GLI2: variants seen among roughly 807,000 people sequenced by gnomAD.
GLI2 encodes the protein transcription activator GLI2.
In GLI2, 22 loss-of-function variants were observed where a neutral mutation model predicts 78.9. The observed-to-expected ratio is 0.28, with a 90% CI of 0.20 to 0.40. The LOEUF (loss-of-function observed/expected upper bound fraction) is 0.40, where lower values mean the gene tolerates loss of function less well. GLI2 is among the 10% of genes least tolerant of loss of function. The pLI is 1.00. For synonymous variants in GLI2, 974 were observed against 963.7 expected, an observed-to-expected ratio of 1.01 and a Z score of -0.20; for missense variants, 2,097 against 2,213.2, an observed-to-expected ratio of 0.95 and a Z score of 1.05.
At chr2:120,747,990 G>A (rs1302303661) in intron 1 of GLI2, among the ~76,000 whole-genome samples, 2 of 152,222 alleles carry the variant, frequency 1.3e-5, no homozygotes, top group Non-Finnish European at 2.9e-5. Context: ...CACTTATTAA[G>A]CTCACGGCTG....
In GLI2 at chr2:120,990,496, G is replaced by T; in HGVS notation, c.4531G>T (p.Ala1511Ser). ...CGATCACTCGAGTTTGTTCTCGGGT[G>T]CTCTGAGCCCCAGCCTCCTCCACAG... Reference protein sequence around the residue: ...DGDHSSLFSGALSPSLLHSLS... With the variant: ...DGDHSSLFSGSLSPSLLHSLS... The change falls in exon 14 of 14, where the codon GCT (alanine) becomes TCT (serine). Residue 1511 changes from alanine to serine, a missense_variant. Physicochemically the swap from Ala to Ser is moderately conservative, Grantham distance 99. Coordinates refer to ENST00000361492, the MANE Select transcript of GLI2 (RefSeq NM_001374353.1). 1.2e-6 allele frequency: 2 copies of T among 1,613,854 alleles called. No homozygotes were observed. Among genetic ancestry groups the T allele is most frequent in the Non-Finnish European group, 1.7e-6 (2 of 1,179,956 alleles).
At chr2:120,854,865 ATGCTGC>A (rs1017619889) in intron 2 of GLI2, among the ~76,000 whole-genome samples, 1 of 152,142 alleles carries the variant, frequency 6.6e-6, no homozygotes, top group Non-Finnish European at 1.5e-5. Flanking sequence ...AAGTCCCCAG[ATGCTGC>A]TGCTGCTGCT....
chr2:120,844,596 C>T (rs1167860427), intron 2 of GLI2, among the ~76,000 whole-genome samples: 1 of 151,940 alleles, frequency 6.6e-6, no homozygotes, highest in Admixed American at 6.6e-5. Context: ...TATGGTTTCT[C>T]AAAGATTCTT....
In GLI2 at chr2:120,989,143, G is replaced by A. The variant is rs747578237; in HGVS notation, c.3178G>A (p.Ala1060Thr). Residue 1060 changes from alanine to threonine, a missense_variant, in exon 14 of 14, where the codon GCT becomes ACT. By Grantham distance (58) the Ala-to-Thr change is moderately conservative (BLOSUM62 0). Around this residue, in one of 5 missense-constraint regions of GLI2, gnomAD observed 1,290 missense variants for 1,261.7 expected, o/e 1.02. Coordinates refer to ENST00000361492, the MANE Select transcript of GLI2 (RefSeq NM_001374353.1). ...VQYIKAHASG[A>T]LDEGTGQVYP... ...GTACATCAAGGCGCACGCCAGTGGC[G>A]CTCTGGACGAGGGCACCGGGCAGGT... is the stretch of plus-strand genomic sequence containing the variant. The A allele has an allele frequency of 7.4e-6, 12 of 1,612,944 alleles. No homozygotes were observed. The highest frequency in any genetic ancestry group is 1.7e-6 in the Non-Finnish European group (2 of 1,179,994).
At chr2:120,889,557 A>G (rs112691541) in intron 2 of GLI2, among the ~76,000 whole-genome samples, 1,579 of 152,330 alleles carry the variant, frequency 0.01, 13 homozygotes, top group Non-Finnish European at 0.018. Context: ...CAGGCTGCAG[A>G]ATGGGAGAAA....
chr2:120,804,415 T>C (rs368823757), intron 2 of GLI2, among the ~76,000 whole-genome samples: 1 of 152,154 alleles, frequency 6.6e-6, no homozygotes, highest in African/African-American at 2.4e-5. Context: ...GCCAGAGGTG[T>C]TCCCGGTGGG....
chr2:120,768,055 C>G (rs914547031), intron 1 of GLI2, among the ~76,000 whole-genome samples: 3 of 152,202 alleles, frequency 2.0e-5, no homozygotes, highest in Non-Finnish European at 4.4e-5. Context: ...ACCCCAGGCT[C>G]TTCTTCCCCA....
chr2:120,986,479 C>G lies in GLI2; in HGVS notation c.2107C>G (p.Arg703Gly). The G allele has an allele frequency of 6.2e-7, 1 of 1,614,084 alleles. No homozygotes were observed. Residue 703 changes from arginine (R) to glycine (G), a missense_variant, in exon 13 of 14, where the codon CGC (arginine) becomes GGC (glycine). This residue lies in a region of GLI2 where 1,290 missense variants were observed against 1,261.7 expected (regional missense o/e 1.02). Coordinates refer to ENST00000361492, the MANE Select transcript of GLI2 (RefSeq NM_001374353.1). ...CCCCTCCGCTGGTGGCCTCCAGCTG[C>G]GCAAACACATGACCACCATGCACCG... is the stretch of plus-strand genomic sequence containing the variant. ...AAPSAGGLQLRKHMTTMHRFE... is the reference protein window; with the variant it reads ...AAPSAGGLQLGKHMTTMHRFE...
intron 2 of GLI2, among the ~76,000 whole-genome samples, chr2:120,902,530 G>A (rs563025402): frequency 1.3e-4 from 20 of 152,294 alleles, no homozygotes; most frequent in African/African-American, 4.1e-4. Context: ...AGGGAAGGGG[G>A]AATGAAGGCT....
At chr2:120,808,179 G>A (rs945822369) in intron 2 of GLI2, among the ~76,000 whole-genome samples, 2 of 152,138 alleles carry the variant, frequency 1.3e-5, no homozygotes, top group African/African-American at 2.4e-5. Context: ...AGTGGACACC[G>A]CTTTGCACCT....
At chr2:120,746,182 G>T (rs1682688413) in intron 1 of GLI2, among the ~76,000 whole-genome samples, 1 of 152,210 alleles carries the variant, frequency 6.6e-6, no homozygotes, top group Non-Finnish European at 1.5e-5. Context: ...CTGGAGCAGG[G>T]CTCAGCTTAC....
intron 2 of GLI2, among the ~76,000 whole-genome samples, chr2:120,876,253 A>G (rs277551): frequency 0.37 from 55,876 of 151,992 alleles, 10,728 homozygotes; most frequent in South Asian, 0.49. Context: ...GAGGCGGGAG[A>G]GTGGCGTGAA....
intron 1 of GLI2, among the ~76,000 whole-genome samples, chr2:120,757,325 T>G (rs577758843): frequency 1.3e-5 from 2 of 152,362 alleles, no homozygotes; most frequent in East Asian, 3.9e-4. Flanking sequence ...ACTATAAATA[T>G]TCTTGAGCTT....
chr2:120,908,508 A>T (rs1573579567), intron 2 of GLI2, among the ~76,000 whole-genome samples: 1 of 152,134 alleles, frequency 6.6e-6, no homozygotes, highest in East Asian at 1.9e-4. Context: ...TCAGCACCTG[A>T]AAAGGGAAAA....
At chr2:120,842,328 GT>G (rs1686925888) in intron 2 of GLI2, among the ~76,000 whole-genome samples, 1 of 152,032 alleles carries the variant, frequency 6.6e-6, no homozygotes, top group South Asian at 2.1e-4. Context: ...ACATATATAT[GT>G]TTTTTAATGC....
chr2:120,775,389 C>G (rs964928840), intron 1 of GLI2, among the ~76,000 whole-genome samples: 1 of 152,224 alleles, frequency 6.6e-6, no homozygotes, highest in Admixed American at 6.5e-5. Context: ...CTCCCGGTGC[C>G]GTTCAGTGGT....
intron 2 of GLI2, among the ~76,000 whole-genome samples, chr2:120,865,562 G>T (rs1298951299): frequency 6.6e-6 from 1 of 152,196 alleles, no homozygotes; most frequent in Admixed American, 6.5e-5. Flanking sequence ...CCCAAGAAGG[G>T]GTTCTGCTTT....
At chr2:120,780,114 C>G (rs1460042260) in intron 1 of GLI2, among the ~76,000 whole-genome samples, 1 of 151,440 alleles carries the variant, frequency 6.6e-6, no homozygotes, top group Non-Finnish European at 1.5e-5. Flanking sequence ...TCTCGGTTCT[C>G]AGAAAGGCAT....
chr2:120,754,997 G>A (rs1682998376), intron 1 of GLI2, among the ~76,000 whole-genome samples: 1 of 151,862 alleles, frequency 6.6e-6, no homozygotes, highest in Non-Finnish European at 1.5e-5. Flanking sequence ...GATTATAGAC[G>A]CCCACCACCA....
Sources: gnomAD v4.1 joint callset for allele counts (sites outside exome capture counted in the v4.1 genomes callset) on GRCh38, gnomAD v4.1.1 for gene constraint, gnomAD v4.1.1 regional missense constraint, MANE v1.5 for transcripts, NCBI Gene and HGNC (gene_info 2026-07-23, HGNC 2026-07-21) for gene names.